The following CHST6 variants were observed in gnomAD, a reference collection of about 807,000 sequenced individuals.
CHST6 encodes carbohydrate sulfotransferase 6.
For missense variants in CHST6, 698 were observed against 586.2 expected, an observed-to-expected ratio of 1.19 and a Z score of -1.97; for synonymous variants, 309 against 276.4, an observed-to-expected ratio of 1.12 and a Z score of -1.17.
At chr16:75,484,800 C>T (rs368225464) in intron 1 of CHST6, among the ~76,000 whole-genome samples, 5 of 151,956 alleles carry the variant, frequency 3.3e-5, no homozygotes, top group South Asian at 4.1e-4. Flanking sequence ...GCTGAGATTG[C>T]GCCACTGTAC....
At chr16:75,480,066 C>G (rs190283126) in intron 2 of CHST6, among the ~76,000 whole-genome samples, 76 of 152,284 alleles carry the variant, frequency 5.0e-4, no homozygotes, top group Admixed American at 9.8e-4. Flanking sequence ...GGTCGGAAAT[C>G]TGTCTACATG....
intron 1 of CHST6, among the ~76,000 whole-genome samples, chr16:75,487,368 G>A (rs544249874): frequency 1.3e-4 from 20 of 152,200 alleles, no homozygotes; most frequent in African/African-American, 3.4e-4. Flanking sequence ...GCCTACCCTC[G>A]ACACAGCAGC....
In CHST6 at chr16:75,478,399, A is replaced by G. The variant is rs886052319; in HGVS notation, c.*242T>C. On this transcript the variant is annotated 3_prime_UTR_variant, in exon 3 of 3. Coordinates refer to ENST00000332272, the MANE Select transcript of CHST6 (RefSeq NM_021615.5). The stretch of plus-strand genomic sequence containing the variant: ...ACGCACACCCTGTGCCCAGAGGAGG[A>G]GGGGCAAGAGTTGCTTTCCATGAAG... 4.4e-4 allele frequency: 187 copies of G among 421,848 alleles called. 4 individuals carry two copies. Among genetic ancestry groups the G allele is most frequent in the South Asian group, 4.0e-3 (181 of 45,428 alleles). The allele number at this position is 421,848 out of a possible 1,614,324, so 26.1% of individuals were successfully genotyped here. A position where few individuals can be genotyped will look rare whatever the true frequency, so the allele number is the denominator to read the frequency against.
At chr16:75,488,760 G>C (rs965659272) in intron 1 of CHST6, among the ~76,000 whole-genome samples, 1 of 151,580 alleles carries the variant, frequency 6.6e-6, no homozygotes, top group African/African-American at 2.4e-5. Context: ...AAGGTGGGTG[G>C]ATCACATGAG....
chr16:75,491,193 ATAT>A (rs1567416150), intron 1 of CHST6, among the ~76,000 whole-genome samples: 1,005 of 65,942 alleles, frequency 0.015, 15 homozygotes, highest in Non-Finnish European at 0.023. Flanking sequence ...AAAAAAAAAT[ATAT>A]ATATATATAT....
Position 75,479,089 on chromosome 16 carries a change from C to A in CHST6, c.740G>T (p.Arg247Leu), listed in dbSNP as rs776030874. Reference protein sequence around the residue: ...PGLRVVREVCRSHVRIAEAAT... With the variant: ...PGLRVVREVCLSHVRIAEAAT... Reference sequence around the variant, plus strand: ...GGCCTCGGCGATGCGTACGTGGCTACGGCACACCTCGCGCACCACGCGCAG... The same window carrying A: ...GGCCTCGGCGATGCGTACGTGGCTAAGGCACACCTCGCGCACCACGCGCAG... The change falls in exon 3 of 3, where the codon CGT becomes CTT. Residue 247 changes from arginine to leucine, a missense_variant. Arg to Leu is a moderately radical substitution (Grantham distance 102). Transcript: ENST00000332272. 4 of 1,605,148 alleles carry A rather than the reference C, an allele frequency of 2.5e-6. No homozygotes were observed. The East Asian group carries it at 8.9e-5, about 36-fold the overall frequency.
chr16:75,491,307 G>T (rs2080255212), intron 1 of CHST6, among the ~76,000 whole-genome samples: 1 of 144,468 alleles, frequency 6.9e-6, no homozygotes, highest in Non-Finnish European at 1.5e-5. Context: ...AAAATACAAA[G>T]TATGGGAGAT....
At chr16:75,489,370 G>C (rs8051596) in intron 1 of CHST6, among the ~76,000 whole-genome samples, 3,704 of 141,324 alleles carry the variant, frequency 0.026, 183 homozygotes, top group African/African-American at 0.095. Flanking sequence ...CTGCACTCCA[G>C]CCTGGGCAAC....
intron 1 of CHST6, among the ~76,000 whole-genome samples, chr16:75,492,015 C>T (rs2080262111): frequency 6.6e-6 from 1 of 152,224 alleles, no homozygotes; most frequent in African/African-American, 2.4e-5. Context: ...GCCAACTCTG[C>T]CAGTCCTGGT....
Position 75,479,778 on chromosome 16 carries a change from C to A in CHST6, c.51G>T (p.Ala17=). 6.3e-7 allele frequency: 1 copy of A among 1,593,578 alleles called. No homozygotes were observed. The highest frequency in any genetic ancestry group is 8.5e-7 in the Non-Finnish European group (1 of 1,171,330). ...CCAGAAAGAGGAGGAGGAAGGTCTG[C>A]GCCAGGAGGAGCGCGGTCACTGCTG... is the stretch of plus-strand genomic sequence containing the variant. ...SSTAVTALLL[A]QTFLLLFLVS... is the part of the protein sequence containing the mutation. Residue 17 remains alanine (A), a synonymous_variant, in exon 3 of 3, where the codon GCG becomes GCT. Transcript: ENST00000332272.
chr16:75,493,987 G>A (rs193120283), intron 1 of CHST6, among the ~76,000 whole-genome samples: 118 of 152,322 alleles, frequency 7.7e-4, no homozygotes, highest in African/African-American at 2.8e-3. Flanking sequence ...TGGGATTACA[G>A]GCACTCACCA....
At position 75,479,615 on chromosome 16, in the gene CHST6, G is replaced by T; in HGVS notation, c.214C>A (p.Pro72Thr). 6.2e-7 allele frequency: 1 copy of T among 1,612,894 alleles called. No homozygotes were observed. The highest frequency in any genetic ancestry group is 8.5e-7 in the Non-Finnish European group (1 of 1,179,858). The change falls in exon 3 of 3, where the codon CCC becomes ACC. Residue 72 changes from proline to threonine, a missense_variant. Pro to Thr is a conservative substitution (Grantham distance 38). Transcript: ENST00000332272. ...QHPDVFYLME[P>T]AWHVWTTLSQ... Reference sequence around the variant, plus strand: ...AGGGTGGTCCACACGTGCCACGCGGGCTCCATTAGGTAGAAGACGTCGGGG... The same window carrying T: ...AGGGTGGTCCACACGTGCCACGCGGTCTCCATTAGGTAGAAGACGTCGGGG...
intron 1 of CHST6, among the ~76,000 whole-genome samples, chr16:75,482,742 C>G (rs113964231): frequency 0.016 from 2,510 of 152,240 alleles, 34 homozygotes; most frequent in African/African-American, 0.031. Context: ...TTGCCTGCCC[C>G]CTTCCCCTGT....
chr16:75,481,977 C>T, intron 1 of CHST6, 86 bp from the exon 2 acceptor site: 1 of 416,686 alleles, frequency 2.4e-6, no homozygotes, highest in Non-Finnish European at 4.8e-6. Flanking sequence ...GCTCGATTTC[C>T]ACTTCTGTAG....
chr16:75,492,721 G>A (rs567856671), intron 1 of CHST6, among the ~76,000 whole-genome samples: 6 of 151,222 alleles, frequency 4.0e-5, no homozygotes, highest in South Asian at 4.2e-4. Context: ...GTGGTGGCAC[G>A]TGCTTGTAAT....
Position 75,479,127 on chromosome 16 carries a change from C to T in CHST6, c.702G>A (p.Glu234=). 2 of 1,606,130 alleles carry T rather than the reference C, an allele frequency of 1.2e-6. No homozygotes were observed. Among genetic ancestry groups the T allele is most frequent in the South Asian group, 1.1e-5 (1 of 90,964 alleles). The stretch of plus-strand genomic sequence containing the variant: ...GCACCACGCGCAGGCCGGGGTCGGC[C>T]TCCACCCACGTGCCGTTGGTGCCCA... ...IVLGTNGTWV[E]ADPGLRVVRE... is the part of the protein sequence containing the mutation. The change falls in exon 3 of 3, where the codon GAG becomes GAA. Residue 234 remains glutamate, a synonymous_variant. Coordinates refer to ENST00000332272, the MANE Select transcript of CHST6 (RefSeq NM_021615.5).
At chr16:75,489,292 G>C (rs1308295814) in intron 1 of CHST6, among the ~76,000 whole-genome samples, 1 of 150,768 alleles carries the variant, frequency 6.6e-6, no homozygotes, top group African/African-American at 2.5e-5. Flanking sequence ...CCAGCTACTC[G>C]TGAAGATGAG....
intron 1 of CHST6, among the ~76,000 whole-genome samples, chr16:75,491,218 T>TATATATATATATAA (rs1384245947): frequency 4.1e-5 from 4 of 97,670 alleles, no homozygotes; most frequent in East Asian, 5.2e-4. Context: ...TATATATATA[T>TATATATATATATAA]AAAATATAAT....
At chr16:75,484,668 GACAAAACCCTACTAAAAAT>G (rs1467889072) in intron 1 of CHST6, among the ~76,000 whole-genome samples, 1 of 152,052 alleles carries the variant, frequency 6.6e-6, no homozygotes, top group Admixed American at 6.6e-5. Flanking sequence ...TGACCAACAT[GACAAAACCCTACTAAAAAT>G]ACAAAAATTA....
Sources: gnomAD v4.1 joint callset for allele counts (sites outside exome capture counted in the v4.1 genomes callset) on GRCh38, gnomAD v4.1.1 for gene constraint, MANE v1.5 for transcripts, NCBI Gene and HGNC (gene_info 2026-07-23, HGNC 2026-07-21) for gene names.